Variants in PLCL2 observed in about 807,000 individuals in gnomAD.
The protein encoded by PLCL2 is phospholipase C like 2, also known as inactive phospholipase C-like protein 2.
A neutral mutation model predicts 79.6 loss-of-function variants in PLCL2; 4 were observed. The ratio of observed to expected loss-of-function variants is 0.05; its 90% CI spans 0.02 to 0.11. The LOEUF is 0.11. PLCL2 is among the 10% of genes least tolerant of loss of function. The pLI is 1.00. For synonymous variants in PLCL2, 484 were observed against 457.7 expected, an observed-to-expected ratio of 1.06 and a Z score of -0.73; for missense variants, 895 against 1,291.0, an observed-to-expected ratio of 0.69 and a Z score of 4.70.
intron 3 of PLCL2, among the ~76,000 whole-genome samples, chr3:17,022,242 ATAC>A (rs990251269): frequency 1.3e-5 from 2 of 152,236 alleles, no homozygotes; most frequent in African/African-American, 2.4e-5. Context: ...ACGCAAAAGA[ATAC>A]TACTACATTT....
At chr3:16,936,156 A>G (rs1697533426) in intron 1 of PLCL2, among the ~76,000 whole-genome samples, 1 of 152,250 alleles carries the variant, frequency 6.6e-6, no homozygotes, top group Admixed American at 6.5e-5. Flanking sequence ...TTAGGAAATA[A>G]AATGCCACAG....
In PLCL2 at chr3:17,012,112, T is replaced by C. The variant is rs1360298765; in HGVS notation, c.2766T>C (p.Asn922=). Residue 922 remains asparagine (N), a synonymous_variant, in exon 2 of 6, where the codon AAT becomes AAC. Transcript: ENST00000615277. ...AAACCGTGGATGAGGTATTCAAGAATGCCCAGCCCCCTATACGGGATGCCA... is the reference window on the plus strand; with the variant it reads ...AAACCGTGGATGAGGTATTCAAGAACGCCCAGCCCCCTATACGGGATGCCA... ...WIKTVDEVFK[N]AQPPIRDATD... 3.1e-6 allele frequency: 5 copies of C among 1,614,064 alleles called. No homozygotes were observed. Among genetic ancestry groups the C allele is most frequent in the Non-Finnish European group, 4.2e-6 (5 of 1,180,000 alleles).
intron 1 of PLCL2, among the ~76,000 whole-genome samples, chr3:16,893,020 C>T (rs1019423913): frequency 6.6e-6 from 1 of 152,118 alleles, no homozygotes; most frequent in African/African-American, 2.4e-5. Flanking sequence ...CAGTTTCTAC[C>T]AGTACTAAAA....
At chr3:17,068,183 A>G in intron 5 of PLCL2, 118 bp downstream of exon 5, 1 of 623,764 alleles carries the variant, frequency 1.6e-6, no homozygotes. Context: ...TGTAGAATGG[A>G]TGCAGAAATC....
chr3:17,073,967 A>G (rs2065086515), intron 5 of PLCL2, among the ~76,000 whole-genome samples: 1 of 152,138 alleles, frequency 6.6e-6, no homozygotes, highest in Admixed American at 6.6e-5. Flanking sequence ...CTCCAAAATC[A>G]GCTTCTTCCA....
In PLCL2 at chr3:17,014,786, C is replaced by T. The variant is rs74332311; in HGVS notation, c.2893C>T (p.Pro965Ser). Reference protein sequence around the residue: ...NLMQCMLAVSPRFLGPDNTPL... With the variant: ...NLMQCMLAVSSRFLGPDNTPL... ...CATGCAGTGCATGTTGGCGGTGTCTCCCCGCTTTCTGGGGCCCGATAACAC... is the reference window on the plus strand; with the variant it reads ...CATGCAGTGCATGTTGGCGGTGTCTTCCCGCTTTCTGGGGCCCGATAACAC... The change falls in exon 3 of 6, where the codon CCC (proline) becomes TCC (serine). Residue 965 changes from proline (P) to serine (S), a missense_variant. Pro to Ser is a moderately conservative substitution (Grantham distance 74, BLOSUM62 -1). This residue lies in a region of PLCL2 where 298 missense variants were observed against 459.6 expected (regional missense o/e 0.65). Transcript: ENST00000615277. 1.4e-3 allele frequency: 2,289 copies of T among 1,614,116 alleles called. 32 individuals carry two copies. In the African/African-American group the frequency reaches 0.026, roughly 18 times the overall value.
intron 1 of PLCL2, among the ~76,000 whole-genome samples, chr3:16,998,727 T>G (rs755819936): frequency 6.6e-6 from 1 of 152,246 alleles, no homozygotes; most frequent in Non-Finnish European, 1.5e-5. Flanking sequence ...GAAAATGCTT[T>G]GCCAAAAGAG....
chr3:16,903,631 C>A (rs1419891931), intron 1 of PLCL2, among the ~76,000 whole-genome samples: 1 of 152,114 alleles, frequency 6.6e-6, no homozygotes, highest in African/African-American at 2.4e-5. Flanking sequence ...TCTGATGTGC[C>A]CAGCAGTGGG....
intron 5 of PLCL2, among the ~76,000 whole-genome samples, chr3:17,082,379 G>A (rs1161520789): frequency 1.3e-5 from 2 of 151,562 alleles, no homozygotes; most frequent in African/African-American, 2.4e-5. Flanking sequence ...TGATCCGCCC[G>A]CCTCGGCCTC....
intron 1 of PLCL2, among the ~76,000 whole-genome samples, chr3:16,896,080 G>A (rs1696472283): frequency 6.6e-6 from 1 of 152,054 alleles, no homozygotes. Context: ...TTTTTTTCTG[G>A]AAGTCTATCA....
chr3:17,024,227 C>T (rs910774585), intron 3 of PLCL2, among the ~76,000 whole-genome samples: 1 of 152,118 alleles, frequency 6.6e-6, no homozygotes, highest in African/African-American at 2.4e-5. Context: ...TTTCGTAGAG[C>T]ATCCTGGAAA....
At chr3:17,059,140 T>G (rs534164981) in intron 4 of PLCL2, among the ~76,000 whole-genome samples, 4 of 152,294 alleles carry the variant, frequency 2.6e-5, no homozygotes, top group Admixed American at 6.5e-5. Flanking sequence ...GAGGACAACT[T>G]AAATGCTTAC....
At chr3:17,016,019 TG>T (rs1327341690) in intron 3 of PLCL2, among the ~76,000 whole-genome samples, 2 of 152,184 alleles carry the variant, frequency 1.3e-5, no homozygotes, top group Non-Finnish European at 2.9e-5. Context: ...GAAAGTTCCT[TG>T]ACTAAATAAT....
intron 1 of PLCL2, among the ~76,000 whole-genome samples, chr3:16,970,060 T>A (rs996928825): frequency 4.3e-5 from 6 of 139,608 alleles, no homozygotes; most frequent in Admixed American, 1.4e-4. Flanking sequence ...ATATATATAT[T>A]TTATTTTATT....
rs546240501 is a variant in PLCL2, at chr3:16,937,388, T to C, written c.327+52022T>C. Among the ~76,000 whole-genome samples the C allele has an allele frequency of 2.0e-5, 3 of 152,214 alleles. No homozygotes were observed. The South Asian group carries it at 6.2e-4, about 32-fold the overall frequency. On this transcript the variant is annotated intron_variant, in intron 1 of 5. Coordinates refer to ENST00000615277, the MANE Select transcript of PLCL2 (RefSeq NM_001144382.2). ...GAGGACAGGTTGAGAACCTGGGAGG[T>C]TATTTTCTAGAGAGACTGATCTCAG...
intron 5 of PLCL2, among the ~76,000 whole-genome samples, chr3:17,071,596 A>G (rs2065061187): frequency 6.6e-6 from 1 of 152,194 alleles, no homozygotes; most frequent in Non-Finnish European, 1.5e-5. Context: ...CTATATGAAT[A>G]TGTCTGGATG....
rs553999339 is a variant in PLCL2, at chr3:17,050,416, G to A, written c.3094+7467G>A. ...GAATGGGACAAGGAATTAATAACCC[G>A]AGTATATAAGGAGCTCAAACAACTC... On this transcript the variant is annotated intron_variant, in intron 4 of 5. Coordinates refer to ENST00000615277, the MANE Select transcript of PLCL2 (RefSeq NM_001144382.2). Among the ~76,000 whole-genome samples the A allele has an allele frequency of 2.0e-5, 3 of 151,988 alleles. No individual in the cohort carries two copies. The South Asian group carries it at 6.2e-4, about 32-fold the overall frequency.
chr3:16,972,061 A>G (rs1575562538), intron 1 of PLCL2, among the ~76,000 whole-genome samples: 1 of 152,008 alleles, frequency 6.6e-6, no homozygotes, highest in Non-Finnish European at 1.5e-5. Flanking sequence ...TGACATACCC[A>G]CAGCCAGTAT....
chr3:16,893,728 G>A (rs528937526), intron 1 of PLCL2, among the ~76,000 whole-genome samples: 3 of 152,238 alleles, frequency 2.0e-5, no homozygotes, highest in Admixed American at 6.5e-5. Flanking sequence ...ACAAGATGTG[G>A]TCTTCTAGAT....
Sources: gnomAD v4.1 joint callset for allele counts (sites outside exome capture counted in the v4.1 genomes callset) on GRCh38, gnomAD v4.1.1 for gene constraint, gnomAD v4.1.1 regional missense constraint, MANE v1.5 for transcripts, NCBI Gene and HGNC (gene_info 2026-07-23, HGNC 2026-07-21) for gene names.